Variants in CCNJL observed in about 807,000 individuals in gnomAD.
CCNJL encodes cyclin-J-like protein.
In CCNJL, 33 loss-of-function variants were observed where a neutral mutation model predicts 33.4. That is an observed-to-expected ratio of 0.99 (90% CI 0.75 to 1.32). CCNJL has a LOEUF of 1.32. Among genes scored for constraint, CCNJL ranks in the 40% most tolerant of loss-of-function variants. CCNJL has a pLI of 0.00. For synonymous variants in CCNJL, 227 were observed against 220.9 expected (o/e 1.03, Z -0.24); for missense variants, 512 against 499.7 (o/e 1.02, Z -0.23).
intron 2 of CCNJL, among the ~76,000 whole-genome samples, chr5:160,301,801 G>A (rs1350989297): frequency 7.2e-6 from 1 of 138,566 alleles, no homozygotes; most frequent in Non-Finnish European, 1.6e-5. Context: ...ATGATCTTGG[G>A]TCACTGCAAC....
At chr5:160,307,924 C>T (rs556185266) in intron 2 of CCNJL, among the ~76,000 whole-genome samples, 1 of 152,302 alleles carries the variant, frequency 6.6e-6, no homozygotes, top group East Asian at 1.9e-4. Flanking sequence ...CCCACATTCA[C>T]CCATTGGGAT....
chr5:160,275,520 T>C (rs997212336), intron 3 of CCNJL, among the ~76,000 whole-genome samples: 5 of 152,146 alleles, frequency 3.3e-5, no homozygotes, highest in African/African-American at 1.2e-4. Context: ...GGTCTGGCTC[T>C]GTGGCCCAGG....
At position 160,255,648 on chromosome 5, in the gene CCNJL, C is replaced by T; in HGVS notation, c.644G>A (p.Arg215Lys). The T allele has an allele frequency of 6.2e-7, 1 of 1,614,132 alleles. No individual in the cohort carries two copies. Among genetic ancestry groups the T allele is most frequent in the Non-Finnish European group, 8.5e-7 (1 of 1,180,014 alleles). The stretch of plus-strand genomic sequence containing the variant: ...GTAGGGAGAAAGCTGCAGGCAAATC[C>T]TGGAGGCCCCAACACAGGCCGCAGC... ...VVAAACVGAS[R>K]ICLQLSPYWT... Residue 215 changes from arginine to lysine, a missense_variant, in exon 5 of 6, where the codon AGG becomes AAG. Arg to Lys is a conservative substitution (Grantham distance 26, BLOSUM62 2). Coordinates refer to ENST00000257536, the MANE Select transcript of CCNJL (RefSeq NM_001308173.3).
chr5:160,274,769 A>C (rs761031701), intron 3 of CCNJL: 2 of 152,474 alleles, frequency 1.3e-5, no homozygotes, highest in Non-Finnish European at 2.9e-5. Flanking sequence ...CACAGACAAC[A>C]GGCAGTGGGC....
At chr5:160,256,853 G>C (rs1761085433) in intron 4 of CCNJL, among the ~76,000 whole-genome samples, 1 of 151,914 alleles carries the variant, frequency 6.6e-6, no homozygotes, top group Non-Finnish European at 1.5e-5. Flanking sequence ...GGGAGGTGGA[G>C]GTTGCAGTGA....
At chr5:160,303,037 C>T (rs902677357) in intron 2 of CCNJL, among the ~76,000 whole-genome samples, 3 of 152,148 alleles carry the variant, frequency 2.0e-5, no homozygotes, top group South Asian at 2.1e-4. Context: ...TTTTGTATAG[C>T]GTGGTTTTAC....
intron 3 of CCNJL, among the ~76,000 whole-genome samples, chr5:160,265,355 C>T (rs1044033650): frequency 6.6e-6 from 1 of 152,144 alleles, no homozygotes. Flanking sequence ...AATGCAATGC[C>T]GGCCAGGTGT....
chr5:160,296,368 A>G (rs1253644118), intron 2 of CCNJL, among the ~76,000 whole-genome samples: 1 of 152,216 alleles, frequency 6.6e-6, no homozygotes, highest in East Asian at 1.9e-4. Context: ...AAAAAGGCTG[A>G]ACAAGCTCAG....
At chr5:160,278,058 C>A (rs1398679868) in intron 3 of CCNJL, among the ~76,000 whole-genome samples, 1 of 152,166 alleles carries the variant, frequency 6.6e-6, no homozygotes, top group Non-Finnish European at 1.5e-5. Flanking sequence ...CAGGCATGCA[C>A]CACCATGCCC....
In CCNJL at chr5:160,321,711, G is replaced by A. The variant is rs546163284; in HGVS notation, n.207-6206C>T. 1.4e-3 allele frequency among the ~76,000 whole-genome samples: 209 copies of A among 152,298 alleles called. 1 individual carries two copies. The highest frequency in any genetic ancestry group is 2.5e-3 in the Non-Finnish European group (169 of 68,030). The stretch of plus-strand genomic sequence containing the variant: ...AATCCCAGCACTTTGGGAGGCAGAG[G>A]CAGGTAGATCAGTAGTTCAAGACCA... On this transcript the variant is annotated intron_variant and non_coding_transcript_variant, in intron 1 of 7. Transcript: ENST00000377503.
intron 3 of CCNJL, among the ~76,000 whole-genome samples, chr5:160,263,941 CTCTT>C (rs1377223667): frequency 4.0e-5 from 6 of 148,970 alleles, no homozygotes; most frequent in Admixed American, 1.3e-4. Flanking sequence ...CCCTATCAAC[CTCTT>C]TTTTTTTTTT....
At chr5:160,287,508 T>C (rs1208461995) in intron 2 of CCNJL, among the ~76,000 whole-genome samples, 2 of 152,232 alleles carry the variant, frequency 1.3e-5, no homozygotes, top group Non-Finnish European at 2.9e-5. Flanking sequence ...CTATCCTGTT[T>C]AGTTTGAGAA....
intron 2 of CCNJL, among the ~76,000 whole-genome samples, chr5:160,307,589 A>G (rs1025182903): frequency 4.6e-5 from 7 of 152,180 alleles, no homozygotes; most frequent in Non-Finnish European, 8.8e-5. Flanking sequence ...TGGTTACCAG[A>G]AAAACATCAC....
intron 3 of CCNJL, among the ~76,000 whole-genome samples, chr5:160,268,136 C>G (rs1761684500): frequency 6.6e-6 from 1 of 152,196 alleles, no homozygotes; most frequent in South Asian, 2.1e-4. Flanking sequence ...CAAAAAAAGG[C>G]ACTGCTCATA....
chr5:160,279,673 G>A (rs956665277), intron 3 of CCNJL, among the ~76,000 whole-genome samples: 1 of 152,172 alleles, frequency 6.6e-6, no homozygotes. Flanking sequence ...GCGGGAGGGA[G>A]GGAGAAGCAA....
chr5:160,274,735 T>C (rs1312252584), intron 3 of CCNJL: 1 of 152,472 alleles, frequency 6.6e-6, no homozygotes, highest in Non-Finnish European at 1.5e-5. Context: ...GTCAGATCTA[T>C]CAGCCTCACC....
At position 160,253,611 on chromosome 5, in the gene CCNJL, C is replaced by T. The variant is rs1372637333; in HGVS notation, c.931G>A (p.Asp311Asn). 1.6e-5 allele frequency: 26 copies of T among 1,613,394 alleles called. No homozygotes were observed. Among genetic ancestry groups the T allele is most frequent in the Non-Finnish European group, 2.0e-5 (24 of 1,179,752 alleles). Reference sequence around the variant, plus strand: ...CCTGAACGGTGGGCCTGCAAGGAGTCCCGATAGGCCAAGCATAGGTCCTGC... The same window carrying T: ...CCTGAACGGTGGGCCTGCAAGGAGTTCCGATAGGCCAAGCATAGGTCCTGC... Reference protein sequence around the residue: ...PVQDLCLAYRDSLQAHRSGSL... With the variant: ...PVQDLCLAYRNSLQAHRSGSL... The change falls in exon 6 of 6, where the codon GAC (aspartate) becomes AAC (asparagine). Residue 311 changes from aspartate (D) to asparagine (N), a missense_variant. Physicochemically the swap from Asp to Asn is conservative, Grantham distance 23. Transcript: ENST00000257536.
intron 1 of CCNJL, among the ~76,000 whole-genome samples, chr5:160,336,836 ACATC>A (rs1431299333): frequency 1.3e-5 from 2 of 152,100 alleles, no homozygotes; most frequent in African/African-American, 4.8e-5. Context: ...GTCACAGGCC[ACATC>A]CAAATACTCA....
intron 2 of CCNJL, among the ~76,000 whole-genome samples, chr5:160,286,010 T>TA (rs1207159071): frequency 2.0e-5 from 3 of 152,186 alleles, no homozygotes; most frequent in Non-Finnish European, 4.4e-5. Context: ...CACAGGGCTC[T>TA]AAGTTTAGGG....
Sources: gnomAD v4.1 joint callset for allele counts (sites outside exome capture counted in the v4.1 genomes callset) on GRCh38, gnomAD v4.1.1 for gene constraint, MANE v1.5 for transcripts, NCBI Gene and HGNC (gene_info 2026-07-23, HGNC 2026-07-21) for gene names.